The following NFASC variants were observed in gnomAD, a reference collection of about 807,000 sequenced individuals.
NFASC encodes neurofascin homolog.
In NFASC, 43 loss-of-function variants were observed where a neutral mutation model predicts 147.5. The observed-to-expected ratio is 0.29, with a 90% CI of 0.23 to 0.38. NFASC has a LOEUF of 0.38. Among genes scored for constraint, NFASC ranks in the 10% least tolerant of loss-of-function variants. The pLI is 1.00. For synonymous variants in NFASC, 622 were observed against 665.5 expected (o/e 0.93, Z 1.01); for missense variants, 1,320 against 1,689.0 (o/e 0.78, Z 3.83).
intron 2 of NFASC, among the ~76,000 whole-genome samples, chr1:204,939,039 TGTG>T (rs948511481): frequency 1.2e-4 from 2 of 16,372 alleles, no homozygotes; most frequent in Admixed American, 8.4e-4. Context: ...TATGGATGGA[TGTG>T]TGTGTGTGTG....
At chr1:204,926,236 C>T (rs796310618) in intron 2 of NFASC, among the ~76,000 whole-genome samples, 11 of 151,370 alleles carry the variant, frequency 7.3e-5, no homozygotes, top group African/African-American at 2.4e-4. Flanking sequence ...CAATCACTTA[C>T]TTGGTTTTAT....
intron 24 of NFASC, among the ~76,000 whole-genome samples, chr1:204,996,388 CAT>C (rs1429302760): frequency 6.6e-6 from 1 of 152,142 alleles, no homozygotes; most frequent in Non-Finnish European, 1.5e-5. Context: ...CCCATGTTCT[CAT>C]GTGAATAGAA....
chr1:204,924,917 C>G (rs1193190559), intron 2 of NFASC, among the ~76,000 whole-genome samples: 4 of 152,202 alleles, frequency 2.6e-5, no homozygotes. Context: ...GCTCTGTCAC[C>G]TAGGCTGGAG....
chr1:204,988,089 AG>A (rs2095652096), intron 22 of NFASC, among the ~76,000 whole-genome samples: 1 of 152,254 alleles, frequency 6.6e-6, no homozygotes, highest in Non-Finnish European at 1.5e-5. Flanking sequence ...GAAACACTTT[AG>A]GCCTTCAAAA....
At chr1:204,997,552 A>C in intron 25 of NFASC, 146 bp downstream of exon 25, 1 of 931,218 alleles carries the variant, frequency 1.1e-6, no homozygotes. Flanking sequence ...TTGGAAACTC[A>C]CCCGTGACTG....
chr1:204,953,388 C>T (rs2094240661), intron 5 of NFASC, among the ~76,000 whole-genome samples: 1 of 152,236 alleles, frequency 6.6e-6, no homozygotes, highest in Non-Finnish European at 1.5e-5. Context: ...GCTCCACTTC[C>T]CGGGTTCATG....
At chr1:204,963,621 A>G (rs114434362) in intron 8 of NFASC, among the ~76,000 whole-genome samples, 3,746 of 152,350 alleles carry the variant, frequency 0.025, 67 homozygotes, top group Non-Finnish European at 0.036. Flanking sequence ...ATCCAGGACT[A>G]TGAAACAAGC....
intron 2 of NFASC, among the ~76,000 whole-genome samples, chr1:204,926,417 T>A (rs1160999347): frequency 4.5e-5 from 1 of 21,984 alleles, no homozygotes; most frequent in African/African-American, 9.6e-5. Flanking sequence ...TTTTTTTTTT[T>A]TTTTTTTTTT....
rs756956091 is a variant in NFASC at position 204,988,705 on chromosome 1, G to A, written c.2666G>A (p.Arg889Lys). The A allele has an allele frequency of 5.6e-6, 9 of 1,614,230 alleles. No homozygotes were observed. The South Asian group carries it at 8.8e-5, about 16-fold the overall frequency. ...AATCAGACCAAGTTCACGGTGCAAA[G>A]AACGGACCCCGTGTCACGCTACCGC... is the stretch of plus-strand genomic sequence containing the variant. ...SPNQTKFTVQ[R>K]TDPVSRYRFT... The change falls in exon 23 of 30, where the codon AGA becomes AAA. Residue 889 changes from arginine (R) to lysine (K), a missense_variant. Physicochemically the swap from Arg to Lys is conservative, Grantham distance 26. This residue lies in a region of NFASC where 981 missense variants were observed against 1,289.5 expected (regional missense o/e 0.76). Transcript: ENST00000339876.
In NFASC at chr1:205,015,090, G is replaced by A. The variant is rs935100204; in HGVS notation, c.3492-1218G>A. On this transcript the variant is annotated intron_variant, in intron 29 of 29. Transcript: ENST00000339876. This position sits in a 1 kb window ranked among gnomAD's most constrained non-coding sequence, Gnocchi z 4.0. ...TCTAACACAGCCCCGGCTCTGGCTC[G>A]CTGCCCTCACCTGACAGCTGTCTTT... Among the ~76,000 whole-genome samples, 10 of 152,094 alleles carry A rather than the reference G, an allele frequency of 6.6e-5. No individual in the cohort carries two copies. Among genetic ancestry groups the A allele is most frequent in the African/African-American group, 2.4e-4 (10 of 41,422 alleles).
chr1:204,985,082 T>G (rs12068915), intron 21 of NFASC, among the ~76,000 whole-genome samples: 1 of 152,298 alleles, frequency 6.6e-6, no homozygotes, highest in Admixed American at 6.5e-5. Flanking sequence ...CCTACTTGCT[T>G]AGAGATTTTT....
At chr1:204,876,994 ATG>A (rs377007452) in intron 1 of NFASC, among the ~76,000 whole-genome samples, 11,432 of 73,756 alleles carry the variant, frequency 0.15, 1,725 homozygotes, top group East Asian at 0.61. Flanking sequence ...TTGGCTAAAT[ATG>A]TATATATATA....
rs756343246 is a variant in NFASC, at chr1:204,970,695, T to C, written c.1083T>C (p.Asn361=). The C allele has an allele frequency of 2.5e-6, 4 of 1,614,184 alleles. No individual in the cohort carries two copies. The South Asian group carries it at 4.4e-5, about 18-fold the overall frequency. Residue 361 remains asparagine (N), a synonymous_variant, in exon 11 of 30, where the codon AAT becomes AAC. Transcript: ENST00000339876. ...GEDGRLVCRA[N]GNPKPTVQWM... is the part of the protein sequence containing the mutation. The stretch of plus-strand genomic sequence containing the variant: ...ATGGGAGACTGGTGTGTCGAGCCAA[T>C]GGAAACCCCAAACCCACTGTCCAGT...
chr1:204,848,684 A>G (rs1461186561), intron 1 of NFASC, among the ~76,000 whole-genome samples: 1 of 152,214 alleles, frequency 6.6e-6, no homozygotes, highest in African/African-American at 2.4e-5. Flanking sequence ...TTAATATTTT[A>G]TGTGTACTTT....
At chr1:204,997,520 A>G in intron 25 of NFASC, 114 bp downstream of exon 25, 2 of 1,170,876 alleles carry the variant, frequency 1.7e-6, no homozygotes, top group Non-Finnish European at 2.5e-6. Context: ...GGTGTTTGCC[A>G]CCACCTCCCT....
intron 1 of NFASC, among the ~76,000 whole-genome samples, chr1:204,849,822 G>A (rs1215300057): frequency 2.0e-5 from 3 of 152,156 alleles, no homozygotes; most frequent in Non-Finnish European, 4.4e-5. Flanking sequence ...GGCCTCTGAG[G>A]GCCAGGAGTC....
chr1:204,957,965 G>T, intron 8 of NFASC, 139 bp downstream of exon 8: 1 of 736,190 alleles, frequency 1.4e-6, no homozygotes, highest in Non-Finnish European at 2.3e-6. Flanking sequence ...CATGGTGCCT[G>T]AGCCACTTCA....
At position 204,950,777 on chromosome 1, in the gene NFASC, G is replaced by A. The variant is rs531467306; in HGVS notation, c.109+203G>A. ...CTTGCTGGGAAAGACAGAAGGGCACGTGGTAAGAAGAGGGTCATTGGATCG... is the reference window on the plus strand; with the variant it reads ...CTTGCTGGGAAAGACAGAAGGGCACATGGTAAGAAGAGGGTCATTGGATCG... On this transcript the variant is annotated intron_variant, in intron 4 of 29. Coordinates refer to ENST00000339876, the MANE Select transcript of NFASC (RefSeq NM_001005388.3). 7.2e-5 allele frequency among the ~76,000 whole-genome samples: 11 copies of A among 152,264 alleles called. No homozygotes were observed. The East Asian group carries it at 1.4e-3, about 19-fold the overall frequency.
intron 2 of NFASC, among the ~76,000 whole-genome samples, chr1:204,935,468 C>T (rs1248388987): frequency 6.6e-6 from 1 of 152,132 alleles, no homozygotes; most frequent in Non-Finnish European, 1.5e-5. Flanking sequence ...AAGTGGGCAT[C>T]TTATGTGATT....
Sources: gnomAD v4.1 joint callset for allele counts (sites outside exome capture counted in the v4.1 genomes callset) on GRCh38, gnomAD v4.1.1 for gene constraint, gnomAD v4.1.1 regional missense constraint, Gnocchi (gnomAD v3.1) non-coding constraint, MANE v1.5 for transcripts, NCBI Gene and HGNC (gene_info 2026-07-23, HGNC 2026-07-21) for gene names.